FBXL7: variants seen among roughly 807,000 people sequenced by gnomAD.
FBXL7 encodes F-box and leucine rich repeat protein 7, also known as F-box/LRR-repeat protein 7.
FBXL7 carries 12 observed loss-of-function variants against 38.3 expected under a neutral mutation model. That is an observed-to-expected ratio of 0.31 (90% confidence interval 0.20 to 0.51). The LOEUF is 0.51. FBXL7 is among the 20% of genes least tolerant of loss of function. FBXL7 has a pLI of 0.98. For missense variants in FBXL7, 567 were observed against 676.4 expected (o/e 0.84, Z 1.79); for synonymous variants, 297 against 300.9 (o/e 0.99, Z 0.13).
At chr5:15,547,953 T>C (rs1737961822) in intron 1 of FBXL7, among the ~76,000 whole-genome samples, 1 of 152,178 alleles carries the variant, frequency 6.6e-6, no homozygotes, top group African/African-American at 2.4e-5. Context: ...ACCTGGGCTG[T>C]CTAGCACTGC....
intron 1 of FBXL7, among the ~76,000 whole-genome samples, chr5:15,580,441 G>A (rs75103293): frequency 1.3e-5 from 2 of 152,080 alleles, no homozygotes; most frequent in African/African-American, 2.4e-5. Flanking sequence ...GCATGGCAAG[G>A]TCTAGGGGCC....
chr5:15,894,894 G>A (rs982492026), intron 2 of FBXL7, among the ~76,000 whole-genome samples: 1 of 151,856 alleles, frequency 6.6e-6, no homozygotes, highest in African/African-American at 2.4e-5. Context: ...CAGAGTGAAT[G>A]CTAATTTTTT....
intron 2 of FBXL7, among the ~76,000 whole-genome samples, chr5:15,873,441 A>C (rs1740055878): frequency 6.6e-6 from 1 of 151,542 alleles, no homozygotes; most frequent in South Asian, 2.1e-4. Flanking sequence ...ATAGAGACAC[A>C]AAAAAACCCT....
chr5:15,694,241 ACTC>A (rs1743266294), intron 2 of FBXL7, among the ~76,000 whole-genome samples: 1 of 151,784 alleles, frequency 6.6e-6, no homozygotes, highest in Middle Eastern at 3.4e-3. Context: ...ATAAGGGAAA[ACTC>A]CTCCCATTTC....
At chr5:15,813,678 C>A (rs1737930980) in intron 2 of FBXL7, among the ~76,000 whole-genome samples, 1 of 152,138 alleles carries the variant, frequency 6.6e-6, no homozygotes, top group African/African-American at 2.4e-5. Flanking sequence ...ATCTACCCAT[C>A]TGACAAAGGG....
chr5:15,836,635 A>G (rs1284579644), intron 2 of FBXL7, among the ~76,000 whole-genome samples: 1 of 152,172 alleles, frequency 6.6e-6, no homozygotes, highest in Non-Finnish European at 1.5e-5. Flanking sequence ...GTGAGGAGCA[A>G]TTCACTAGAA....
Position 15,928,041 on chromosome 5 carries a change from G to GCCCCCCCCCCCCCC in FBXL7, c.279_280insCCCCCCCCCCCCCC (p.Thr94ProfsTer26). On this transcript the variant is annotated frameshift_variant, in exon 3 of 4. Coordinates refer to ENST00000504595, the MANE Select transcript of FBXL7 (RefSeq NM_012304.5). LOFTEE classifies it high-confidence loss of function. This position sits in a 1 kb window ranked among gnomAD's most constrained non-coding sequence, Gnocchi z 4.0. ...TGGCCATGGTGCACTCCCCGCCCCCGACCCGCCTCACACACCCGCTCATCC... is the reference window on the plus strand; with the variant it reads ...TGGCCATGGTGCACTCCCCGCCCCCGCCCCCCCCCCCCCCACCCGCCTCACACACCCGCTCATCC... The GCCCCCCCCCCCCCC allele has an allele frequency of 7.0e-7, 1 of 1,436,850 alleles. No homozygotes were observed. The highest frequency in any genetic ancestry group is 9.2e-7 in the Non-Finnish European group (1 of 1,090,546). The allele number at this position is 1,436,850 out of a possible 1,614,324, so 89.0% of individuals were successfully genotyped here. A position where few individuals can be genotyped will look rare whatever the true frequency, so the allele number is the denominator to read the frequency against.
intron 2 of FBXL7, among the ~76,000 whole-genome samples, chr5:15,873,232 G>A (rs1740045479): frequency 1.3e-5 from 2 of 152,142 alleles, no homozygotes; most frequent in Admixed American, 1.3e-4. Flanking sequence ...AAGACACAAT[G>A]TACCAGAATC....
chr5:15,871,460 T>C (rs1030348501), intron 2 of FBXL7, among the ~76,000 whole-genome samples: 1 of 152,114 alleles, frequency 6.6e-6, no homozygotes, highest in African/African-American at 2.4e-5. Context: ...GTTTGACGAA[T>C]TGACAGAAGT....
chr5:15,719,871 G>T (rs939742658), intron 2 of FBXL7, among the ~76,000 whole-genome samples: 2 of 148,846 alleles, frequency 1.3e-5, no homozygotes, highest in Non-Finnish European at 3.0e-5. Flanking sequence ...TTGGAAAGGA[G>T]AGAGAACAAC....
At chr5:15,685,240 C>T (rs922084443) in intron 2 of FBXL7, among the ~76,000 whole-genome samples, 2 of 152,078 alleles carry the variant, frequency 1.3e-5, no homozygotes, top group South Asian at 2.1e-4. Context: ...TGTGAATATA[C>T]GCTGGGATGC....
intron 1 of FBXL7, among the ~76,000 whole-genome samples, chr5:15,561,223 T>C (rs1738407327): frequency 6.6e-6 from 1 of 152,194 alleles, no homozygotes; most frequent in South Asian, 2.1e-4. Flanking sequence ...CCTCTATCTA[T>C]TCCTTCTTCC....
chr5:15,886,714 G>A (rs1024972068), intron 2 of FBXL7, among the ~76,000 whole-genome samples: 1 of 152,182 alleles, frequency 6.6e-6, no homozygotes, highest in Non-Finnish European at 1.5e-5. Context: ...TACAAGCAGT[G>A]TACACGGAGC....
chr5:15,763,378 C>T (rs1426146268), intron 2 of FBXL7, among the ~76,000 whole-genome samples: 1 of 152,140 alleles, frequency 6.6e-6, no homozygotes, highest in Non-Finnish European at 1.5e-5. Flanking sequence ...TAACAATTTA[C>T]ATAAATAAGT....
At position 15,590,336 on chromosome 5, in the gene FBXL7, G is replaced by A. The variant is rs867797455; in HGVS notation, c.38-25647G>A. Among the ~76,000 whole-genome samples the A allele has an allele frequency of 3.3e-5, 5 of 151,896 alleles. No individual in the cohort carries two copies. The South Asian group carries it at 6.2e-4, about 19-fold the overall frequency. ...CCATAACAGCTTTCTAACCAGACTC[G>A]CTGCCTCTACTTTTACTACCTCCAG... On this transcript the variant is annotated intron_variant, in intron 1 of 3. Transcript: ENST00000504595.
chr5:15,575,438 G>A (rs1001212633), intron 1 of FBXL7, among the ~76,000 whole-genome samples: 1 of 152,096 alleles, frequency 6.6e-6, no homozygotes, highest in Non-Finnish European at 1.5e-5. Flanking sequence ...GTGTTTTCTT[G>A]GTTGTTTTTG....
At chr5:15,615,165 G>A (rs1450995601) in intron 1 of FBXL7, among the ~76,000 whole-genome samples, 1 of 152,182 alleles carries the variant, frequency 6.6e-6, no homozygotes, top group Non-Finnish European at 1.5e-5. Context: ...TCTGAAGAAT[G>A]TTTGGTAATA....
At chr5:15,516,048 CATTGTCTGTAAATTAACTCAAA>C (rs1271826357) in intron 1 of FBXL7, among the ~76,000 whole-genome samples, 8 of 152,108 alleles carry the variant, frequency 5.3e-5, no homozygotes, top group Non-Finnish European at 1.2e-4. Context: ...CTTAGACTCC[CATTGTCTGTAAATTAACTCAAA>C]ATTGTCTGTA....
At chr5:15,615,520 C>A in intron 1 of FBXL7, among the ~76,000 whole-genome samples, 1 of 152,170 alleles carries the variant, frequency 6.6e-6, no homozygotes, top group Non-Finnish European at 1.5e-5. Context: ...CCTATTAAAG[C>A]AGGGAATTCA....
Sources: allele counts gnomAD v4.1 joint callset (sites outside exome capture counted in the v4.1 genomes callset), GRCh38; gene constraint gnomAD v4.1.1; non-coding constraint Gnocchi (gnomAD v3.1); transcripts MANE v1.5; gene names NCBI Gene and HGNC (gene_info 2026-07-23, HGNC 2026-07-21).